The following DYNC2H1 variants were observed in gnomAD, a reference collection of about 807,000 sequenced individuals.
The protein encoded by DYNC2H1 is dynein cytoplasmic 2 heavy chain 1.
DYNC2H1 carries 410 observed loss-of-function variants against 570.0 expected under a neutral mutation model. The ratio of observed to expected loss-of-function variants is 0.72; its 90% CI spans 0.66 to 0.78. The LOEUF (loss-of-function observed/expected upper bound fraction) is 0.78, where lower values mean the gene tolerates loss of function less well. Among genes scored for constraint, DYNC2H1 ranks in the 30% least tolerant of loss-of-function variants. The pLI is 0.00. For synonymous variants in DYNC2H1, 1,688 were observed against 1,677.6 expected (o/e 1.01, Z -0.15); for missense variants, 4,865 against 5,046.4 (o/e 0.96, Z 1.09).
intron 17 of DYNC2H1, among the ~76,000 whole-genome samples, chr11:103,137,943 G>T (rs372364131): frequency 6.7e-6 from 1 of 149,966 alleles, no homozygotes; most frequent in East Asian, 2.0e-4. Flanking sequence ...GGTCCTTCAC[G>T]TCCCTTGTAA....
intron 87 of DYNC2H1, among the ~76,000 whole-genome samples, chr11:103,468,151 A>T (rs1387541232): frequency 6.6e-6 from 1 of 152,156 alleles, no homozygotes; most frequent in African/African-American, 2.4e-5. Context: ...TTCATATCAC[A>T]TGTCGTTTTT....
intron 84 of DYNC2H1, among the ~76,000 whole-genome samples, chr11:103,422,706 A>C (rs1379759414): frequency 6.6e-6 from 1 of 152,170 alleles, no homozygotes; most frequent in Non-Finnish European, 1.5e-5. Context: ...AGAGAGCCAT[A>C]TATGACAAAC....
intron 83 of DYNC2H1, among the ~76,000 whole-genome samples, chr11:103,375,961 C>G (rs1025466617): frequency 2.6e-5 from 4 of 152,156 alleles, no homozygotes; most frequent in Non-Finnish European, 5.9e-5. Flanking sequence ...TTACACAAAT[C>G]TCATCTTGAT....
At chr11:103,458,467 A>T (rs1201797089) in intron 87 of DYNC2H1, among the ~76,000 whole-genome samples, 2 of 152,140 alleles carry the variant, frequency 1.3e-5, no homozygotes, top group South Asian at 2.1e-4. Context: ...TCAAAAAAAA[A>T]TTCAAAATCA....
At chr11:103,164,117 T>G (rs1487211912) in intron 30 of DYNC2H1, among the ~76,000 whole-genome samples, 2 of 152,206 alleles carry the variant, frequency 1.3e-5, no homozygotes, top group Non-Finnish European at 2.9e-5. Flanking sequence ...TGAAAATGTT[T>G]CCTAGTACTC....
At position 103,116,588 on chromosome 11, in the gene DYNC2H1, A is replaced by C. The variant is rs532048000; in HGVS notation, c.640A>C (p.Ser214Arg). 3.8e-6 allele frequency: 6 copies of C among 1,585,324 alleles called. No individual in the cohort carries two copies. Among genetic ancestry groups the C allele is most frequent in the Admixed American group, 1.8e-5 (1 of 56,786 alleles). ...TIAREFYNLDSLSLLEVVDLV... is the reference protein window; with the variant it reads ...TIAREFYNLDRLSLLEVVDLV... ...TTTCTAGGAGTTTTATAACTTGGAC[A>C]GTCTATCCTTACTAGAAGTTGTTGA... The change falls in exon 5 of 89, where the codon AGT becomes CGT. Residue 214 changes from serine (S) to arginine (R), a missense_variant. This residue lies in a region of DYNC2H1 where 1,936 missense variants were observed against 1,962.1 expected (regional missense o/e 0.99). Transcript: ENST00000375735.
chr11:103,176,455 A>T (rs757973309), intron 37 of DYNC2H1, 21 bp downstream of exon 37: 1 of 1,443,752 alleles, frequency 6.9e-7, no homozygotes, highest in Admixed American at 2.9e-5. Flanking sequence ...AGAATATTTT[A>T]TAATAGATTG....
At position 103,335,619 on chromosome 11, in the gene DYNC2H1, G is replaced by A. The variant is rs76209408; in HGVS notation, c.12039+11629G>A. ...ATATTGCTAGAATTATATGAAATAC[G>A]GTTACTACATTTATTACAAACCAAA... On this transcript the variant is annotated intron_variant, in intron 82 of 88. Transcript: ENST00000375735. 6.0e-3 allele frequency among the ~76,000 whole-genome samples: 910 copies of A among 152,004 alleles called. 27 individuals are homozygous for A. The highest frequency in any genetic ancestry group is 0.043 in the East Asian group (225 of 5,178).
chr11:103,127,013 A>G (rs1299781470), intron 12 of DYNC2H1, among the ~76,000 whole-genome samples: 1 of 152,236 alleles, frequency 6.6e-6, no homozygotes, highest in East Asian at 1.9e-4. Flanking sequence ...ACAGATGTTC[A>G]GGAAGTCTTG....
At position 103,245,832 on chromosome 11, in the gene DYNC2H1, A is replaced by G. The variant is rs1228737137; in HGVS notation, c.10042+458A>G. 6.6e-6 allele frequency among the ~76,000 whole-genome samples: 1 copy of G among 152,092 alleles called. No individual in the cohort carries two copies. Among genetic ancestry groups the G allele is most frequent in the African/African-American group, 2.4e-5 (1 of 41,452 alleles). ...GATTGCTATGTTAATTCTTTTCTGC[A>G]TAGGAACCCAGCCCAGTCTTGGATG... On this transcript the variant is annotated intron_variant, in intron 65 of 88. Coordinates refer to ENST00000375735, the MANE Select transcript of DYNC2H1 (RefSeq NM_001377.3). This position sits in a 1 kb window ranked among gnomAD's most constrained non-coding sequence, Gnocchi z 4.5.
chr11:103,419,357 C>G (rs1318799931), intron 84 of DYNC2H1, among the ~76,000 whole-genome samples: 1 of 152,156 alleles, frequency 6.6e-6, no homozygotes, highest in Non-Finnish European at 1.5e-5. Context: ...ACAGGAGTCT[C>G]CAGATACCTC....
chr11:103,193,582 T>C (rs1408580535), intron 47 of DYNC2H1, among the ~76,000 whole-genome samples: 2 of 152,074 alleles, frequency 1.3e-5, no homozygotes, highest in Non-Finnish European at 2.9e-5. Context: ...TCATTCTTGT[T>C]GCCCAGGCTG....
intron 83 of DYNC2H1, among the ~76,000 whole-genome samples, chr11:103,392,571 G>A (rs925903200): frequency 3.3e-5 from 5 of 152,164 alleles, no homozygotes; most frequent in Admixed American, 1.3e-4. Context: ...CGTCTTCTGC[G>A]TCGCTCACGC....
At chr11:103,356,026 A>G (rs531422832) in intron 82 of DYNC2H1, among the ~76,000 whole-genome samples, 3 of 152,270 alleles carry the variant, frequency 2.0e-5, no homozygotes, top group East Asian at 1.9e-4. Context: ...CAATTCTTAT[A>G]GATCTCCCAA....
At chr11:103,276,929 C>G (rs1405209225) in intron 70 of DYNC2H1, among the ~76,000 whole-genome samples, 2 of 152,042 alleles carry the variant, frequency 1.3e-5, no homozygotes, top group African/African-American at 4.8e-5. Context: ...CCAAAAAAGA[C>G]AGAGTCAATT....
rs138329399 is a variant in DYNC2H1, at chr11:103,182,049, A to G, written c.6477+163A>G. Among the ~76,000 whole-genome samples, 16 of 151,708 alleles carry G rather than the reference A, an allele frequency of 1.1e-4. No individual in the cohort carries two copies. The East Asian group carries it at 3.1e-3, about 29-fold the overall frequency. Reference sequence around the variant, plus strand: ...CTCTGTATCTCTTAGCATAACTGTTATATCTCTTATCATAACTTTTTATTT... The same window carrying G: ...CTCTGTATCTCTTAGCATAACTGTTGTATCTCTTATCATAACTTTTTATTT... On this transcript the variant is annotated intron_variant, in intron 40 of 88. Coordinates refer to ENST00000375735, the MANE Select transcript of DYNC2H1 (RefSeq NM_001377.3).
rs1938387351 is a variant in DYNC2H1, at chr11:103,324,820, T to C, written c.12039+830T>C. On this transcript the variant is annotated intron_variant, in intron 82 of 88. Coordinates refer to ENST00000375735, the MANE Select transcript of DYNC2H1 (RefSeq NM_001377.3). The surrounding 1 kb of genome is among the most constrained non-coding windows in gnomAD (Gnocchi z 5.2). The stretch of plus-strand genomic sequence containing the variant: ...TCCACAATGGTTGATCTAATTTGCA[T>C]TCCCACCAGTGGTGTGTAAGCATTC... Among the ~76,000 whole-genome samples the C allele has an allele frequency of 6.6e-6, 1 of 152,192 alleles. No individual in the cohort carries two copies. Among genetic ancestry groups the C allele is most frequent in the Non-Finnish European group, 1.5e-5 (1 of 68,026 alleles).
chr11:103,236,584 C>T (rs1224343911), intron 63 of DYNC2H1, 45 bp downstream of exon 63: 1 of 1,047,438 alleles, frequency 9.5e-7, no homozygotes. Flanking sequence ...GTTTTATTGT[C>T]AAGCTTGCTG....
At chr11:103,362,983 A>G (rs1940732191) in intron 83 of DYNC2H1, among the ~76,000 whole-genome samples, 3 of 152,114 alleles carry the variant, frequency 2.0e-5, no homozygotes, top group African/African-American at 4.8e-5. Context: ...GTGAGCCAAG[A>G]TTGTACCACT....
Sources: allele counts gnomAD v4.1 joint callset (sites outside exome capture counted in the v4.1 genomes callset), GRCh38; gene constraint gnomAD v4.1.1; regional missense constraint gnomAD v4.1.1; non-coding constraint Gnocchi (gnomAD v3.1); transcripts MANE v1.5; gene names NCBI Gene and HGNC (gene_info 2026-07-23, HGNC 2026-07-21).